MYO1B: variants seen among roughly 807,000 people sequenced by gnomAD.
MYO1B encodes the protein unconventional myosin-Ib.
A neutral mutation model predicts 159.7 loss-of-function variants in MYO1B; 72 were observed. That is an observed-to-expected ratio of 0.45 (90% CI 0.37 to 0.55). The LOEUF (loss-of-function observed/expected upper bound fraction) is 0.55. MYO1B is among the 20% of genes least tolerant of loss of function. The pLI, the probability that MYO1B is intolerant of heterozygous loss-of-function variation, is 0.00. For synonymous variants in MYO1B, 468 were observed against 473.8 expected (o/e 0.99, Z 0.16); for missense variants, 1,062 against 1,364.8 (o/e 0.78, Z 3.50).
In MYO1B at chr2:191,409,145, C is replaced by A. The variant is rs1697105756; in HGVS notation, c.2733C>A (p.His911Gln). Residue 911 changes from histidine to glutamine, a missense_variant, in exon 26 of 31, where the codon CAC becomes CAA. Physicochemically the swap from His to Gln is conservative, Grantham distance 24. Transcript: ENST00000392318. ...SRPYLFLDST[H>Q]KELKRIFHLW... ...CTTACTTATTCTTGGATTCTACTCA[C>A]AAGGAGCTAAAAAGGATTTTCCACT... The A allele has an allele frequency of 1.2e-6, 2 of 1,612,006 alleles. No individual in the cohort carries two copies. Among genetic ancestry groups the A allele is most frequent in the African/African-American group, 2.7e-5 (2 of 74,782 alleles).
intron 3 of MYO1B, among the ~76,000 whole-genome samples, chr2:191,327,167 T>G (rs1053852411): frequency 2.6e-5 from 4 of 152,208 alleles, no homozygotes; most frequent in African/African-American, 7.2e-5. Context: ...TTTATCATTC[T>G]TCATGGAGCT....
chr2:191,421,473 G>T (rs527924091), intron 30 of MYO1B, among the ~76,000 whole-genome samples: 2 of 152,096 alleles, frequency 1.3e-5, no homozygotes, highest in Non-Finnish European at 2.9e-5. Flanking sequence ...CTTACAAGTG[G>T]TCTTTTTTAT....
At chr2:191,325,400 G>A (rs972846171) in intron 3 of MYO1B, among the ~76,000 whole-genome samples, 1 of 152,004 alleles carries the variant, frequency 6.6e-6, no homozygotes, top group Non-Finnish European at 1.5e-5. Flanking sequence ...GAAATAAGAA[G>A]GTAGAAACAG....
chr2:191,369,814 T>C (rs1694245788), intron 12 of MYO1B, among the ~76,000 whole-genome samples, 186 bp downstream of exon 12: 1 of 152,220 alleles, frequency 6.6e-6, no homozygotes, highest in Non-Finnish European at 1.5e-5. Context: ...TGTTTTGCCA[T>C]GTGTGTTGCT....
At chr2:191,275,972 C>T (rs553481091) in intron 1 of MYO1B, among the ~76,000 whole-genome samples, 1 of 152,312 alleles carries the variant, frequency 6.6e-6, no homozygotes, top group African/African-American at 2.4e-5. Context: ...TGTTGGGTGG[C>T]ACCATGCACA....
intron 14 of MYO1B, 94 bp from the exon 15 acceptor site, chr2:191,383,186 G>A (rs1432418125): frequency 8.5e-6 from 6 of 707,266 alleles, no homozygotes; most frequent in Non-Finnish European, 1.4e-5. Context: ...AGAGAGGAAG[G>A]GAAATATGAT....
At chr2:191,406,508 G>C (rs995446157) in intron 24 of MYO1B, among the ~76,000 whole-genome samples, 2 of 152,140 alleles carry the variant, frequency 1.3e-5, no homozygotes, top group African/African-American at 4.8e-5. Context: ...TGAACACTGA[G>C]AAGCCATTGT....
At chr2:191,253,446 C>T (rs1307646245) in intron 1 of MYO1B, among the ~76,000 whole-genome samples, 1 of 152,120 alleles carries the variant, frequency 6.6e-6, no homozygotes, top group Non-Finnish European at 1.5e-5. Flanking sequence ...CGTTCCTTCC[C>T]CCCAGAAGCC....
intron 7 of MYO1B, among the ~76,000 whole-genome samples, chr2:191,356,580 A>G (rs977686774): frequency 1.3e-5 from 2 of 152,200 alleles, no homozygotes; most frequent in Admixed American, 6.5e-5. Flanking sequence ...TGTATTTATC[A>G]TGAAAGGAGA....
At chr2:191,285,534 G>A (rs1688314259) in intron 2 of MYO1B, among the ~76,000 whole-genome samples, 2 of 152,302 alleles carry the variant, frequency 1.3e-5, no homozygotes, top group South Asian at 2.1e-4. Flanking sequence ...ATAAAAAGAT[G>A]AGCAAGGCTA....
At chr2:191,286,075 T>G (rs1394609618) in intron 2 of MYO1B, among the ~76,000 whole-genome samples, 1 of 152,194 alleles carries the variant, frequency 6.6e-6, no homozygotes, top group African/African-American at 2.4e-5. Flanking sequence ...TTTAAAACCT[T>G]CTAATGTTTC....
chr2:191,416,193 A>G lies in MYO1B; in HGVS notation c.3238A>G (p.Thr1080Ala). The stretch of plus-strand genomic sequence containing the variant: ...TGAAATGGCCACCAAGCTCTATCGC[A>G]CAACTCTCAGCCAAACCAAACAGAA... ...LIEMATKLYRTTLSQTKQKLN... is the reference protein window; with the variant it reads ...LIEMATKLYRATLSQTKQKLN... Residue 1080 changes from threonine to alanine, a missense_variant, in exon 30 of 31, where the codon ACA becomes GCA. Coordinates refer to ENST00000392318, the MANE Select transcript of MYO1B (RefSeq NM_001130158.3). 1 of 1,614,180 alleles carries G rather than the reference A, an allele frequency of 6.2e-7. No homozygotes were observed. The highest frequency in any genetic ancestry group is 8.5e-7 in the Non-Finnish European group (1 of 1,180,034).
At chr2:191,253,029 A>C (rs1348833292) in intron 1 of MYO1B, among the ~76,000 whole-genome samples, 2 of 152,036 alleles carry the variant, frequency 1.3e-5, no homozygotes, top group African/African-American at 4.8e-5. Context: ...TGTTACCCAA[A>C]GTGAGTTGTT....
At chr2:191,388,668 G>A (rs1049184760) in intron 17 of MYO1B, among the ~76,000 whole-genome samples, 1 of 151,964 alleles carries the variant, frequency 6.6e-6, no homozygotes, top group Non-Finnish European at 1.5e-5. Context: ...GAAACTTTCT[G>A]TGATGAGTTG....
At chr2:191,265,276 G>A (rs570255589) in intron 1 of MYO1B, among the ~76,000 whole-genome samples, 2 of 151,154 alleles carry the variant, frequency 1.3e-5, no homozygotes, top group Admixed American at 1.3e-4. Context: ...GAACCAATCC[G>A]GAGTGGCCTC....
In MYO1B at chr2:191,400,763, G is replaced by C; in HGVS notation, c.2397G>C (p.Leu799=). 1 of 1,614,028 alleles carries C rather than the reference G, an allele frequency of 6.2e-7. No homozygotes were observed. Among genetic ancestry groups the C allele is most frequent in the Admixed American group, 1.7e-5 (1 of 60,030 alleles). ...ATGCATCACAGGCACGAAGGGAACT[G>C]AGACGGCTGAAGGAGGAGGCTAGGA... ...YWHGTQARRE[L]RRLKEEARNK... Residue 799 remains leucine (L), a synonymous_variant, in exon 23 of 31, where the codon CTG becomes CTC. Coordinates refer to ENST00000392318, the MANE Select transcript of MYO1B (RefSeq NM_001130158.3).
intron 13 of MYO1B, 116 bp downstream of exon 13, chr2:191,370,408 T>C (rs1694286759): frequency 4.2e-6 from 3 of 721,872 alleles, no homozygotes; most frequent in Non-Finnish European, 7.0e-6. Context: ...AAATAATCCT[T>C]GTGTAGATGT....
chr2:191,379,236 A>C (rs1694903566), intron 13 of MYO1B: 1 of 152,656 alleles, frequency 6.6e-6, no homozygotes, highest in Non-Finnish European at 1.5e-5. Context: ...AACTGACTGC[A>C]TTTTGTGTAA....
intron 7 of MYO1B, among the ~76,000 whole-genome samples, chr2:191,351,625 G>A (rs956418132): frequency 3.9e-5 from 6 of 152,194 alleles, no homozygotes; most frequent in Admixed American, 3.9e-4. Context: ...AATGGCTCAT[G>A]CCTGTAATCC....
Sources: allele counts gnomAD v4.1 joint callset (sites outside exome capture counted in the v4.1 genomes callset), GRCh38; gene constraint gnomAD v4.1.1; transcripts MANE v1.5; gene names NCBI Gene and HGNC (gene_info 2026-07-23, HGNC 2026-07-21).